Variants in FOXO3 observed in about 807,000 individuals in gnomAD.
FOXO3 encodes the protein forkhead box O3, also known as forkhead box protein O3.
FOXO3 carries 4 observed loss-of-function variants against 41.9 expected under a neutral mutation model. The ratio of observed to expected loss-of-function variants is 0.10; its 90% CI spans 0.05 to 0.22. The LOEUF (loss-of-function observed/expected upper bound fraction) is 0.22, where lower values mean the gene tolerates loss of function less well. Among genes scored for constraint, FOXO3 ranks in the 10% least tolerant of loss-of-function variants. FOXO3 has a pLI of 1.00. For synonymous variants in FOXO3, 318 were observed against 389.3 expected, an observed-to-expected ratio of 0.82 and a Z score of 2.16; for missense variants, 534 against 906.8, an observed-to-expected ratio of 0.59 and a Z score of 5.28.
chr6:108,616,707 A>G (rs956040773), intron 1 of FOXO3, among the ~76,000 whole-genome samples: 1 of 152,220 alleles, frequency 6.6e-6, no homozygotes, highest in East Asian at 1.9e-4. Flanking sequence ...AGAGTTGTGC[A>G]ACTATCTGTT....
chr6:108,649,214 A>G (rs1272144347), intron 1 of FOXO3, among the ~76,000 whole-genome samples: 2 of 152,084 alleles, frequency 1.3e-5, no homozygotes, highest in Non-Finnish European at 2.9e-5. Context: ...TGATGGCTGC[A>G]CATGTAGTGG....
At position 108,593,058 on chromosome 6, in the gene FOXO3, A is replaced by T. The variant is rs150057923; in HGVS notation, c.621+31229A>T. Among the ~76,000 whole-genome samples the T allele has an allele frequency of 9.8e-4, 150 of 152,328 alleles. 1 individual carries two copies. The Middle Eastern group carries it at 0.01, about 10-fold the overall frequency. On this transcript the variant is annotated intron_variant, in intron 1 of 2. Transcript: ENST00000406360. The stretch of plus-strand genomic sequence containing the variant: ...AATATTGTTGAGTATTTATTTTTAA[A>T]GTTCAAGTTCTCCATGTCTAGTCAG...
intron 1 of FOXO3, among the ~76,000 whole-genome samples, chr6:108,585,880 A>C (rs1386509422): frequency 6.6e-6 from 1 of 152,222 alleles, no homozygotes; most frequent in Non-Finnish European, 1.5e-5. Context: ...GTGCTGCCCC[A>C]GTGGCTGTCA....
At chr6:108,564,922 C>T (rs1775914684) in intron 1 of FOXO3, among the ~76,000 whole-genome samples, 1 of 152,076 alleles carries the variant, frequency 6.6e-6, no homozygotes, top group African/African-American at 2.4e-5. Context: ...CTTAAGATCA[C>T]ACAGCTAGTT....
At chr6:108,678,890 T>TTTTTTTTTTTTTTTC (rs368405598) in intron 2 of FOXO3, among the ~76,000 whole-genome samples, 9 of 115,334 alleles carry the variant, frequency 7.8e-5, no homozygotes, top group Admixed American at 2.1e-4. Flanking sequence ...TTTTTTTTTT[T>TTTTTTTTTTTTTTTC]TGAGACGGAG....
intron 1 of FOXO3, among the ~76,000 whole-genome samples, chr6:108,624,143 C>A (rs1204777902): frequency 6.6e-6 from 1 of 152,020 alleles, no homozygotes; most frequent in African/African-American, 2.4e-5. Context: ...TTTGACCTGC[C>A]TAGTGAGCAA....
Position 108,664,260 on chromosome 6 carries a change from C to T in FOXO3, c.1427C>T (p.Ser476Leu), listed in dbSNP as rs376391908. Reference sequence around the variant, plus strand: ...CAGACACTCCAGGACCTGCTCACTTCGGACTCACTTAGCCACAGCGATGTC... The same window carrying T: ...CAGACACTCCAGGACCTGCTCACTTTGGACTCACTTAGCCACAGCGATGTC... ...GNQTLQDLLT[S>L]DSLSHSDVMM... The change falls in exon 2 of 3, where the codon TCG becomes TTG. Residue 476 changes from serine to leucine, a missense_variant. This residue lies in a region of FOXO3 where 16 missense variants were observed against 46.1 expected (regional missense o/e 0.35). Transcript: ENST00000406360. 17 of 1,606,968 alleles carry T rather than the reference C, an allele frequency of 1.1e-5. No homozygotes were observed. The highest frequency in any genetic ancestry group is 6.7e-5 in the East Asian group (3 of 44,754).
intron 1 of FOXO3, among the ~76,000 whole-genome samples, chr6:108,582,329 T>G (rs1158426406): frequency 6.6e-6 from 1 of 152,142 alleles, no homozygotes; most frequent in Non-Finnish European, 1.5e-5. Flanking sequence ...CAGCCTTGTG[T>G]TGTTGTTGTC....
intron 1 of FOXO3, among the ~76,000 whole-genome samples, chr6:108,587,293 T>A (rs958604387): frequency 3.3e-5 from 5 of 152,046 alleles, no homozygotes; most frequent in Non-Finnish European, 7.4e-5. Context: ...TCTCTGTTGC[T>A]CACAAGAGCT....
chr6:108,599,222 CT>C (rs1776977359), intron 1 of FOXO3, among the ~76,000 whole-genome samples: 2 of 152,144 alleles, frequency 1.3e-5, no homozygotes, highest in African/African-American at 4.8e-5. Context: ...AAAACATAAC[CT>C]TTTTATTGGG....
intron 1 of FOXO3, among the ~76,000 whole-genome samples, chr6:108,621,929 G>T (rs1304242278): frequency 6.6e-6 from 1 of 152,100 alleles, no homozygotes; most frequent in African/African-American, 2.4e-5. Context: ...AGGAGTAACT[G>T]GCAAGTTTTG....
intron 2 of FOXO3, among the ~76,000 whole-genome samples, chr6:108,676,965 A>G (rs570911016): frequency 3.2e-4 from 48 of 152,238 alleles, no homozygotes; most frequent in Non-Finnish European, 5.0e-4. Flanking sequence ...AGTGTTTTAC[A>G]ATCTGTTTTC....
chr6:108,585,166 C>T (rs1208256325), intron 1 of FOXO3, among the ~76,000 whole-genome samples: 4 of 151,840 alleles, frequency 2.6e-5, no homozygotes, highest in South Asian at 2.1e-4. Flanking sequence ...CTCAGCCTCC[C>T]GAGTAGCTGG....
intron 1 of FOXO3, among the ~76,000 whole-genome samples, chr6:108,575,203 A>G (rs928728938): frequency 6.6e-6 from 1 of 152,138 alleles, no homozygotes; most frequent in Non-Finnish European, 1.5e-5. Context: ...TCACAAAACT[A>G]CTTTTTTCCT....
chr6:108,585,136 G>C (rs1300303783), intron 1 of FOXO3, among the ~76,000 whole-genome samples: 4 of 141,186 alleles, frequency 2.8e-5, no homozygotes, highest in Non-Finnish European at 6.0e-5. Context: ...CCGCTTCCTG[G>C]GTTCACGCCA....
chr6:108,622,244 G>A (rs999379435), intron 1 of FOXO3, among the ~76,000 whole-genome samples: 9 of 123,218 alleles, frequency 7.3e-5, no homozygotes, highest in African/African-American at 2.9e-4. Context: ...GGGCGACAGA[G>A]CAAGACTGTC....
chr6:108,621,950 C>T (rs1777676515), intron 1 of FOXO3, among the ~76,000 whole-genome samples: 2 of 151,968 alleles, frequency 1.3e-5, no homozygotes, highest in South Asian at 2.1e-4. Context: ...TATGGAGAGT[C>T]GGGAAGACAG....
chr6:108,606,376 C>T (rs1039341761), intron 1 of FOXO3, among the ~76,000 whole-genome samples: 3 of 152,140 alleles, frequency 2.0e-5, no homozygotes, highest in Non-Finnish European at 4.4e-5. Context: ...TCTGGTAGGG[C>T]GGTGTTTTCT....
intron 1 of FOXO3, among the ~76,000 whole-genome samples, chr6:108,585,043 T>TTTTG (rs1776537212): frequency 7.9e-6 from 1 of 127,132 alleles, no homozygotes; most frequent in African/African-American, 2.9e-5. Context: ...TTTTTTTTTT[T>TTTTG]TTTTTTTTTG....
Sources: allele counts gnomAD v4.1 joint callset (sites outside exome capture counted in the v4.1 genomes callset), GRCh38; gene constraint gnomAD v4.1.1; regional missense constraint gnomAD v4.1.1; transcripts MANE v1.5; gene names NCBI Gene and HGNC (gene_info 2026-07-23, HGNC 2026-07-21).